SHMT1: variants seen among roughly 807,000 people sequenced by gnomAD.
SHMT1 encodes serine hydroxymethyltransferase 1, also known as serine hydroxymethyltransferase, cytosolic.
A neutral mutation model predicts 49.0 loss-of-function variants in SHMT1; 45 were observed. The observed-to-expected ratio is 0.92, with a 90% CI of 0.72 to 1.18. The LOEUF is 1.18. Among genes scored for constraint, SHMT1 ranks in the 50% most tolerant of loss-of-function variants. SHMT1 has a pLI of 0.00. For synonymous variants in SHMT1, 232 were observed against 246.6 expected (o/e 0.94, Z 0.55); for missense variants, 541 against 612.4 (o/e 0.88, Z 1.23).
At chr17:18,333,315 G>A (rs750832687) in intron 8 of SHMT1, 27 bp from the exon 9 acceptor site, 1 of 1,610,548 alleles carries the variant, frequency 6.2e-7, no homozygotes, top group East Asian at 2.2e-5. Context: ...AATGGGTCAG[G>A]AGGCTAGGAT....
chr17:18,348,965 C>CA (rs528389537), intron 3 of SHMT1, among the ~76,000 whole-genome samples: 132 of 92,446 alleles, frequency 1.4e-3, no homozygotes, highest in South Asian at 5.0e-3. Context: ...GACCCTGTCT[C>CA]AAAAAAAAAA....
intron 3 of SHMT1, among the ~76,000 whole-genome samples, chr17:18,350,655 A>G (rs1226001927): frequency 1.3e-5 from 2 of 151,966 alleles, no homozygotes; most frequent in South Asian, 2.1e-4. Flanking sequence ...TCACACATAC[A>G]TAACATTTTG....
chr17:18,347,716 C>T (rs905921124), intron 4 of SHMT1, 60 bp from the exon 5 acceptor site: 5 of 1,598,004 alleles, frequency 3.1e-6, no homozygotes, highest in East Asian at 4.5e-5. Context: ...AAGTGGCATC[C>T]GGGACCTTGG....
intron 7 of SHMT1, among the ~76,000 whole-genome samples, chr17:18,337,567 CCTCCCTCTCCCCACGGT>C (rs1983933078): frequency 6.6e-6 from 1 of 150,906 alleles, no homozygotes; most frequent in African/African-American, 2.4e-5. Flanking sequence ...TCCCCCTCCC[CCTCCCTCTCCCCACGGT>C]CTCCCTCTCC....
intron 5 of SHMT1, among the ~76,000 whole-genome samples, chr17:18,344,277 G>A (rs2151585537): frequency 1.3e-5 from 2 of 152,274 alleles, no homozygotes; most frequent in East Asian, 3.9e-4. Context: ...TGTTTGCTGT[G>A]TTTTGCTTCA....
rs143729020 is a variant in SHMT1 at position 18,357,899 on chromosome 17, T to C, written c.-19-1899A>G. ...TTTTTTTTGAGACAGAGTCTCACTC[T>C]GTCGCCCAGGCTGGAGTACAGTGGC... On this transcript the variant is annotated intron_variant, in intron 1 of 11. Coordinates refer to ENST00000316694, the MANE Select transcript of SHMT1 (RefSeq NM_004169.5). Among the ~76,000 whole-genome samples the C allele has an allele frequency of 6.9e-4, 100 of 144,522 alleles. 6 individuals are homozygous for C. In the East Asian group the frequency reaches 0.02, roughly 30 times the overall value. 94.8% of individuals were successfully genotyped at this position (144,522 alleles called of 152,430 possible).
At chr17:18,359,853 G>A (rs1986592225) in intron 1 of SHMT1, among the ~76,000 whole-genome samples, 1 of 151,934 alleles carries the variant, frequency 6.6e-6, no homozygotes, top group Admixed American at 6.6e-5. Context: ...GGCTGAGGCA[G>A]AAGAATGGCT....
At chr17:18,333,363 GT>G in intron 8 of SHMT1, 75 bp from the exon 9 acceptor site, 2 of 1,468,296 alleles carry the variant, frequency 1.4e-6, no homozygotes, top group Non-Finnish European at 1.9e-6. Context: ...CAACATTCCT[GT>G]TTTTACTCAA....
chr17:18,343,632 G>A (rs4925176), intron 5 of SHMT1, among the ~76,000 whole-genome samples: 46,217 of 82,222 alleles, frequency 0.56, 13,928 homozygotes, highest in African/African-American at 0.69. Context: ...AAAAAAAAAA[G>A]GGGTCAGCCG....
chr17:18,355,179 C>G (rs969525602), intron 2 of SHMT1, among the ~76,000 whole-genome samples: 64 of 146,366 alleles, frequency 4.4e-4, no homozygotes, highest in African/African-American at 1.6e-3. Context: ...ACCATCCTGG[C>G]TAACATGGTG....
chr17:18,347,630 T>C lies in SHMT1; in HGVS notation c.385A>G (p.Thr129Ala), dbSNP rs1202419986. 2 of 1,614,152 alleles carry C rather than the reference T, an allele frequency of 1.2e-6. No individual in the cohort carries two copies. Among genetic ancestry groups the C allele is most frequent in the South Asian group, 1.1e-5 (1 of 91,088 alleles). Residue 129 changes from threonine to alanine, a missense_variant, in exon 5 of 12, where the codon ACT becomes GCT. Thr to Ala is a moderately conservative substitution (Grantham distance 58, BLOSUM62 0). Coordinates refer to ENST00000316694, the MANE Select transcript of SHMT1 (RefSeq NM_004169.5). ...SGSPANFAVY[T>A]ALVEPHGRIM... ...CGCCCATGGGGTTCCACCAGGGCAG[T>C]GTACACAGCAAAGTTTGCAGGGGAG...
intron 10 of SHMT1, among the ~76,000 whole-genome samples, 159 bp downstream of exon 10, chr17:18,330,396 A>G (rs1983065606): frequency 6.6e-6 from 1 of 151,162 alleles, no homozygotes; most frequent in African/African-American, 2.5e-5. Flanking sequence ...TCGGCCTCCC[A>G]AAGTGCCGGG....
chr17:18,331,066 TCA>T (rs1282036961), intron 9 of SHMT1: 2 of 355,866 alleles, frequency 5.6e-6, no homozygotes, highest in Admixed American at 7.6e-5. Context: ...AGGGGCATGT[TCA>T]CAGAGCACAT....
intron 1 of SHMT1, among the ~76,000 whole-genome samples, chr17:18,358,335 C>G (rs901138958): frequency 6.6e-6 from 1 of 151,086 alleles, no homozygotes; most frequent in Non-Finnish European, 1.5e-5. Context: ...ACTAAAAATA[C>G]AAAAATTAGC....
intron 3 of SHMT1, among the ~76,000 whole-genome samples, chr17:18,350,844 T>C (rs1351122805): frequency 2.6e-5 from 4 of 151,496 alleles, no homozygotes; most frequent in Admixed American, 6.6e-5. Flanking sequence ...GCGATTCTCC[T>C]ACCTCAGCCT....
intron 9 of SHMT1, chr17:18,332,126 C>G (rs1180178414): frequency 6.6e-6 from 1 of 152,232 alleles, no homozygotes; most frequent in Non-Finnish European, 1.5e-5. Flanking sequence ...AGTACTAGTC[C>G]GTGGCCCGGA....
At position 18,353,598 on chromosome 17, in the gene SHMT1, T is replaced by C. The variant is rs1229688446; in HGVS notation, c.242+74A>G. ...CTTATTGTTTTCTGAAATTTCCAAA[T>C]TGTTTAGGTCCTAGGCTGACTGAGT... is the stretch of plus-strand genomic sequence containing the variant. On this transcript the variant is annotated intron_variant, in intron 3 of 11. Coordinates refer to ENST00000316694, the MANE Select transcript of SHMT1 (RefSeq NM_004169.5). 7.3e-6 allele frequency: 11 copies of C among 1,501,770 alleles called. No homozygotes were observed. In the South Asian group the frequency reaches 1.0e-4, roughly 14 times the overall value. 93.0% of individuals were successfully genotyped at this position (1,501,770 alleles called of 1,614,324 possible).
In SHMT1 at chr17:18,340,625, C is replaced by T. The variant is rs1170446553; in HGVS notation, c.601+107G>A. On this transcript the variant is annotated intron_variant, in intron 6 of 11. Coordinates refer to ENST00000316694, the MANE Select transcript of SHMT1 (RefSeq NM_004169.5). The surrounding 1 kb of genome is among the most constrained non-coding windows in gnomAD (Gnocchi z 4.5). ...ACCCCAGAAACTCAGTTATCCAGGG[C>T]AGAAACTAGCAGTGGGCTCAACAGG... 2 of 962,886 alleles carry T rather than the reference C, an allele frequency of 2.1e-6. No individual in the cohort carries two copies. Among genetic ancestry groups the T allele is most frequent in the South Asian group, 1.4e-5 (1 of 72,316 alleles). 59.6% of individuals were successfully genotyped at this position (962,886 alleles called of 1,614,324 possible). A position where few individuals can be genotyped will look rare whatever the true frequency, so the allele number is the denominator to read the frequency against.
At chr17:18,334,708 G>A (rs1024205457) in intron 8 of SHMT1, among the ~76,000 whole-genome samples, 3 of 152,148 alleles carry the variant, frequency 2.0e-5, no homozygotes, top group African/African-American at 7.2e-5. Flanking sequence ...GAGAACCCAC[G>A]GGCCTGCATC....
Sources: allele counts gnomAD v4.1 joint callset (sites outside exome capture counted in the v4.1 genomes callset), GRCh38; gene constraint gnomAD v4.1.1; non-coding constraint Gnocchi (gnomAD v3.1); transcripts MANE v1.5; gene names NCBI Gene and HGNC (gene_info 2026-07-23, HGNC 2026-07-21).